Variants in BMPR2 observed in about 807,000 individuals in gnomAD.
BMPR2 encodes bone morphogenetic protein receptor type-2.
A neutral mutation model predicts 100.8 loss-of-function variants in BMPR2; 29 were observed. The observed-to-expected ratio is 0.29, with a 90% confidence interval of 0.21 to 0.39. The LOEUF is 0.39. Among genes scored for constraint, BMPR2 ranks in the 10% least tolerant of loss-of-function variants. The pLI is 1.00. For synonymous variants in BMPR2, 382 were observed against 442.3 expected, an observed-to-expected ratio of 0.86 and a Z score of 1.71; for missense variants, 1,011 against 1,274.5, an observed-to-expected ratio of 0.79 and a Z score of 3.15.
intron 9 of BMPR2, among the ~76,000 whole-genome samples, chr2:202,535,881 G>C (rs1203921659): frequency 6.6e-6 from 1 of 152,234 alleles, no homozygotes; most frequent in African/African-American, 2.4e-5. Context: ...TTAGGGGCTG[G>C]AGACCGGCCT....
intron 1 of BMPR2, among the ~76,000 whole-genome samples, chr2:202,435,807 C>T (rs1271191873): frequency 6.7e-6 from 1 of 150,316 alleles, no homozygotes; most frequent in Admixed American, 6.6e-5. Context: ...CTACAGTATT[C>T]AGTGGAATAG....
chr2:202,522,342 CT>C (rs2106010466), intron 7 of BMPR2, among the ~76,000 whole-genome samples: 1 of 151,934 alleles, frequency 6.6e-6, no homozygotes, highest in Admixed American at 6.6e-5. Context: ...CCCGTCTCTA[CT>C]AAAAATACAA....
At chr2:202,410,997 T>C (rs1157643645) in intron 1 of BMPR2, among the ~76,000 whole-genome samples, 1 of 152,050 alleles carries the variant, frequency 6.6e-6, no homozygotes, top group Non-Finnish European at 1.5e-5. Context: ...TTTCAGTTAA[T>C]AAATAGAAGG....
In BMPR2 at chr2:202,564,275, T is replaced by A. The variant is rs1688720626; in HGVS notation, c.*4329T>A. 6.6e-6 allele frequency: 1 copy of A among 152,246 alleles called. No homozygotes were observed. Among genetic ancestry groups the A allele is most frequent in the African/African-American group, 2.4e-5 (1 of 41,474 alleles). 9.4% of individuals were successfully genotyped at this position (152,246 alleles called of 1,614,324 possible). A position where few individuals can be genotyped will look rare whatever the true frequency, so the allele number is the denominator to read the frequency against. ...GAGATTATATTTCCATACAACATTT[T>A]ATAAAGTTATGTTGAACTTACTACC... is the stretch of plus-strand genomic sequence containing the variant. On this transcript the variant is annotated 3_prime_UTR_variant, in exon 13 of 13. Coordinates refer to ENST00000374580, the MANE Select transcript of BMPR2 (RefSeq NM_001204.7).
At chr2:202,448,803 T>C (rs1691910406) in intron 1 of BMPR2, among the ~76,000 whole-genome samples, 2 of 152,010 alleles carry the variant, frequency 1.3e-5, no homozygotes. Flanking sequence ...ATAAGCCTCT[T>C]AGAGGTTTAA....
chr2:202,391,768 C>CTT (rs1034526873), intron 1 of BMPR2, among the ~76,000 whole-genome samples: 1 of 143,382 alleles, frequency 7.0e-6, no homozygotes. Flanking sequence ...ACACTTTTTT[C>CTT]TTTTTTTTTT....
chr2:202,509,188 A>C (rs565656603), intron 3 of BMPR2, among the ~76,000 whole-genome samples: 70 of 152,268 alleles, frequency 4.6e-4, no homozygotes, highest in African/African-American at 1.5e-3. Flanking sequence ...TAGTTTAAGC[A>C]GCATACTTTT....
rs13429486 is a variant in BMPR2, at chr2:202,470,214, T to C, written c.418+2525T>C. Among the ~76,000 whole-genome samples the C allele has an allele frequency of 6.3e-3, 953 of 151,814 alleles. 15 individuals carry two copies. The highest frequency in any genetic ancestry group is 0.021 in the African/African-American group (885 of 41,414). On this transcript the variant is annotated intron_variant, in intron 3 of 12. Coordinates refer to ENST00000374580, the MANE Select transcript of BMPR2 (RefSeq NM_001204.7). ...AAAATTAGCTGGGTGTGCTGGTGCA[T>C]GCCTGTAATCCCATCTACCCAGGAG...
intron 1 of BMPR2, among the ~76,000 whole-genome samples, chr2:202,438,245 G>A (rs968502289): frequency 1.3e-5 from 2 of 150,434 alleles, no homozygotes; most frequent in African/African-American, 5.0e-5. Context: ...CCCGGGAGGT[G>A]GAGGTTGCGG....
chr2:202,534,615 G>T (rs199517977), intron 9 of BMPR2, among the ~76,000 whole-genome samples: 25,527 of 152,184 alleles, frequency 0.17, 2,467 homozygotes, highest in Middle Eastern at 0.24. Context: ...GGCAGAAGAA[G>T]TTTTCTTAGT....
chr2:202,515,807 T>G (rs988434628), intron 5 of BMPR2, among the ~76,000 whole-genome samples: 4 of 152,060 alleles, frequency 2.6e-5, no homozygotes, highest in Admixed American at 6.6e-5. Context: ...GCGAATTGCT[T>G]GAACCCAGAA....
At chr2:202,484,339 C>T (rs541782797) in intron 3 of BMPR2, among the ~76,000 whole-genome samples, 2 of 145,272 alleles carry the variant, frequency 1.4e-5, no homozygotes, top group East Asian at 3.9e-4. Flanking sequence ...TATTTCCTTC[C>T]TTCCTTCCCT....
chr2:202,410,047 C>T (rs572921195), intron 1 of BMPR2, among the ~76,000 whole-genome samples: 26 of 151,814 alleles, frequency 1.7e-4, no homozygotes, highest in Non-Finnish European at 3.4e-4. Flanking sequence ...TGCAGTGGCA[C>T]GGTCTTGGCT....
intron 3 of BMPR2, among the ~76,000 whole-genome samples, chr2:202,490,532 T>TA (rs1434952148): frequency 6.6e-6 from 1 of 152,202 alleles, no homozygotes; most frequent in African/African-American, 2.4e-5. Context: ...ATGATATAAA[T>TA]AAAAAATACT....
chr2:202,455,773 T>A (rs916795549), intron 1 of BMPR2, among the ~76,000 whole-genome samples: 3 of 151,798 alleles, frequency 2.0e-5, no homozygotes. Context: ...ATCTTAAAAT[T>A]AAAGTAGTAT....
intron 3 of BMPR2, among the ~76,000 whole-genome samples, chr2:202,477,039 T>C (rs1200737727): frequency 1.3e-5 from 2 of 151,790 alleles, no homozygotes; most frequent in Non-Finnish European, 2.9e-5. Flanking sequence ...ATTAAGAGCA[T>C]AGGTCATCAG....
At chr2:202,506,547 A>G (rs562458723) in intron 3 of BMPR2, among the ~76,000 whole-genome samples, 31 of 152,100 alleles carry the variant, frequency 2.0e-4, no homozygotes, top group Admixed American at 1.7e-3. Flanking sequence ...CAAAGGTTCT[A>G]CCTCCATATA....
chr2:202,499,624 C>T (rs925576839), intron 3 of BMPR2, among the ~76,000 whole-genome samples: 1 of 152,154 alleles, frequency 6.6e-6, no homozygotes, highest in African/African-American at 2.4e-5. Flanking sequence ...AATATACTCC[C>T]CTGTCACCTG....
intron 1 of BMPR2, among the ~76,000 whole-genome samples, chr2:202,396,287 A>G (rs2105907055): frequency 6.6e-6 from 1 of 152,196 alleles, no homozygotes; most frequent in East Asian, 1.9e-4. Flanking sequence ...TTTGGTATAT[A>G]TGTAGTCTAC....
Sources: allele counts gnomAD v4.1 joint callset (sites outside exome capture counted in the v4.1 genomes callset), GRCh38; gene constraint gnomAD v4.1.1; transcripts MANE v1.5; gene names NCBI Gene and HGNC (gene_info 2026-07-23, HGNC 2026-07-21).